The following ZNF334 variants were observed in gnomAD, a reference collection of about 807,000 sequenced individuals.
ZNF334 encodes the protein zinc finger protein 334.
Under a neutral mutation model 12.4 loss-of-function variants are expected in ZNF334, and 14 were observed. The ratio of observed to expected loss-of-function variants is 1.13; its 90% CI spans 0.74 to 1.76. ZNF334 has a LOEUF of 1.76. Among genes scored for constraint, ZNF334 ranks in the 40% most tolerant of loss-of-function variants. ZNF334 has a pLI of 0.00. For synonymous variants in ZNF334, 273 were observed against 269.6 expected, an observed-to-expected ratio of 1.01 and a Z score of -0.12; for missense variants, 797 against 804.5, an observed-to-expected ratio of 0.99 and a Z score of 0.11.
the ZNF334 span, chr20:46,464,486 A>G: frequency 0.097 from 49,672 of 512,306 alleles, 2,804 homozygotes; most frequent in East Asian, 0.18. Flanking sequence ...GATCCCACAC[A>G]TCGTATCCTT....
At chr20:46,485,529 C>T in the ZNF334 span, 6 of 151,390 alleles carry the variant, frequency 4.0e-5, no homozygotes, top group African/African-American at 1.5e-4. Flanking sequence ...ACAAATTTAC[C>T]ATCTAGTTGG....
chr20:46,490,143 G>A, the ZNF334 span, among the ~76,000 whole-genome samples: 3 of 152,186 alleles, frequency 2.0e-5, no homozygotes, highest in Non-Finnish European at 4.4e-5. Context: ...GAACTTCAGT[G>A]CAGTGCATGT....
chr20:46,465,724 G>A, the ZNF334 span, among the ~76,000 whole-genome samples: 2 of 151,984 alleles, frequency 1.3e-5, no homozygotes, highest in Admixed American at 1.3e-4. Flanking sequence ...GGAGGCTGAG[G>A]TGGGTGGATC....
the ZNF334 span, among the ~76,000 whole-genome samples, chr20:46,488,800 A>T: frequency 7.9e-6 from 1 of 126,540 alleles, no homozygotes; most frequent in Non-Finnish European, 1.6e-5. Flanking sequence ...AATTCTAGTT[A>T]ATAGTTTTTT....
the ZNF334 span, among the ~76,000 whole-genome samples, chr20:46,475,903 T>C: frequency 6.6e-6 from 1 of 152,174 alleles, no homozygotes; most frequent in Non-Finnish European, 1.5e-5. Context: ...ACCTGGCAAT[T>C]TTACTAATGG....
intron 2 of ZNF334, among the ~76,000 whole-genome samples, chr20:46,511,031 GAAT>G (rs1386270436): frequency 6.6e-6 from 1 of 151,852 alleles, no homozygotes; most frequent in Non-Finnish European, 1.5e-5. Flanking sequence ...AAATCAGAAA[GAAT>G]AATGGGCTAA....
rs548371899 is a variant in ZNF334, at chr20:46,511,320, G to A, written c.21+762C>T. 7.9e-5 allele frequency among the ~76,000 whole-genome samples: 12 copies of A among 152,198 alleles called. No homozygotes were observed. In the South Asian group the frequency reaches 1.5e-3, roughly 18 times the overall value. ...ATTATCAGAGGTGCCTATTAGGGAG[G>A]GGGCAGTCATACTGTCAAATGCAAC... On this transcript the variant is annotated intron_variant, in intron 2 of 4. Coordinates refer to ENST00000692313, the MANE Select transcript of ZNF334 (RefSeq NM_001353824.2).
rs1048682587 is a variant in ZNF334, at chr20:46,502,115, A to G, written c.1224T>C (p.Ser408=). ...IHTGEKPYEC[S]ECEKTFFCQS... Reference sequence around the variant, plus strand: ...GACAAAAGAAGGTTTTCTCACATTCACTACATTCATAGGGTTTTTCCCCTG... The same window carrying G: ...GACAAAAGAAGGTTTTCTCACATTCGCTACATTCATAGGGTTTTTCCCCTG... Residue 408 remains serine (S), a synonymous_variant, in exon 5 of 5, where the codon AGT becomes AGC. Transcript: ENST00000692313. 4 of 1,614,084 alleles carry G rather than the reference A, an allele frequency of 2.5e-6. No homozygotes were observed. The African/African-American group carries it at 5.3e-5, about 22-fold the overall frequency.
rs2061706029 is a variant in ZNF334 at position 46,512,963 on chromosome 20, G to T, written c.-462C>A. 1 of 152,180 alleles carries T rather than the reference G, an allele frequency of 6.6e-6. No homozygotes were observed. Among genetic ancestry groups the T allele is most frequent in the Admixed American group, 6.5e-5 (1 of 15,280 alleles). 9.4% of individuals were successfully genotyped at this position (152,180 alleles called of 1,614,324 possible). ...GGGTGGAGATGGTAGGGAATGACAT[G>T]TATGTGTTTAGGAAGTGATGAAGAC... On this transcript the variant is annotated 5_prime_UTR_variant, in exon 1 of 5. Coordinates refer to ENST00000692313, the MANE Select transcript of ZNF334 (RefSeq NM_001353824.2).
At chr20:46,504,388 A>G in intron 3 of ZNF334, 82 bp from the exon 4 acceptor site, 1 of 1,348,778 alleles carries the variant, frequency 7.4e-7, no homozygotes, top group Non-Finnish European at 1.0e-6. Context: ...ACAGCTTCAG[A>G]AGCTGTGCAA....
At chr20:46,472,580 T>C in the ZNF334 span, among the ~76,000 whole-genome samples, 1 of 152,222 alleles carries the variant, frequency 6.6e-6, no homozygotes, top group East Asian at 1.9e-4. Flanking sequence ...GTGTAAAAAC[T>C]CTAGGACGGC....
At chr20:46,498,763 A>C (rs906974580), downstream of ZNF334, among the ~76,000 whole-genome samples, 1 of 152,248 alleles carries the variant, frequency 6.6e-6, no homozygotes, top group African/African-American at 2.4e-5. Flanking sequence ...TGGAAATAGG[A>C]TTGTTGCAGA....
downstream of ZNF334, among the ~76,000 whole-genome samples, chr20:46,497,563 T>C (rs2061044341): frequency 6.6e-6 from 1 of 152,224 alleles, no homozygotes; most frequent in South Asian, 2.1e-4. Flanking sequence ...ACTAATATAC[T>C]ATCTTCCCCC....
chr20:46,501,156 T>C lies in ZNF334; in HGVS notation c.*140A>G, dbSNP rs989681044. On this transcript the variant is annotated 3_prime_UTR_variant, in exon 5 of 5. Coordinates refer to ENST00000692313, the MANE Select transcript of ZNF334 (RefSeq NM_001353824.2). ...CCTACATGATTTCTCTGATGTTACA[T>C]TGAGGGTTGACTTATGGCAGAAAAA... 4.3e-5 allele frequency: 40 copies of C among 932,374 alleles called. No homozygotes were observed. The African/African-American group carries it at 4.9e-4, about 12-fold the overall frequency. 57.8% of individuals were successfully genotyped at this position (932,374 alleles called of 1,614,324 possible).
intron 2 of ZNF334, among the ~76,000 whole-genome samples, chr20:46,510,705 C>T (rs559280075): frequency 1.4e-5 from 2 of 145,768 alleles, no homozygotes; most frequent in African/African-American, 5.1e-5. Context: ...TTGCAGTGAG[C>T]TGAGATCGTG....
chr20:46,487,688 A>G, the ZNF334 span, among the ~76,000 whole-genome samples: 2 of 152,354 alleles, frequency 1.3e-5, no homozygotes, highest in Non-Finnish European at 2.9e-5. Context: ...TTATTACTCT[A>G]AAATGTATTT....
intron 2 of ZNF334, chr20:46,506,466 A>T (rs1021414560): frequency 2.8e-4 from 115 of 406,748 alleles, no homozygotes; most frequent in Middle Eastern, 6.1e-4. Flanking sequence ...TCTCTACAAA[A>T]AAATAAAAAA....
the ZNF334 span, among the ~76,000 whole-genome samples, chr20:46,469,891 A>G: frequency 6.6e-6 from 1 of 152,066 alleles, no homozygotes; most frequent in Admixed American, 6.5e-5. Flanking sequence ...ATCACACTAC[A>G]GTACCACACT....
At position 46,500,879 on chromosome 20, in the gene ZNF334, A is replaced by G. The variant is rs1289526549; in HGVS notation, c.*417T>C. On this transcript the variant is annotated 3_prime_UTR_variant, in exon 5 of 5. Coordinates refer to ENST00000692313, the MANE Select transcript of ZNF334 (RefSeq NM_001353824.2). The stretch of plus-strand genomic sequence containing the variant: ...AATCTGCCAAATCTGAAAATACACC[A>G]TAAATTGAGAAACTGTAACTTACTC... The G allele has an allele frequency of 2.2e-5, 4 of 184,832 alleles. No individual in the cohort carries two copies. The highest frequency in any genetic ancestry group is 9.6e-5 in the African/African-American group (4 of 41,856). 11.4% of individuals were successfully genotyped at this position (184,832 alleles called of 1,614,324 possible).
Sources: gnomAD v4.1 joint callset for allele counts (sites outside exome capture counted in the v4.1 genomes callset) on GRCh38, gnomAD v4.1.1 for gene constraint, MANE v1.5 for transcripts, NCBI Gene and HGNC (gene_info 2026-07-23, HGNC 2026-07-21) for gene names.